The following NFIB variants were observed in gnomAD, a reference collection of about 807,000 sequenced individuals.
NFIB encodes the protein nuclear factor I B.
Under a neutral mutation model 61.5 loss-of-function variants are expected in NFIB, and 11 were observed. The observed-to-expected ratio is 0.18, with a 90% confidence interval of 0.11 to 0.30. The LOEUF is 0.30. NFIB is among the 10% of genes least tolerant of loss of function. The pLI, the probability that NFIB is intolerant of heterozygous loss-of-function variation, is 1.00. For missense variants in NFIB, 471 were observed against 608.9 expected (o/e 0.77, Z 2.38); for synonymous variants, 260 against 216.5 (o/e 1.20, Z -1.76).
intron 2 of NFIB, among the ~76,000 whole-genome samples, chr9:14,199,266 CAA>C (rs1270262836): frequency 6.6e-6 from 1 of 152,162 alleles, no homozygotes; most frequent in Non-Finnish European, 1.5e-5. Context: ...GGCCAGGACA[CAA>C]AGAGGAAGAC....
chr9:14,460,391 G>A, the NFIB span, among the ~76,000 whole-genome samples: 6,288 of 149,290 alleles, frequency 0.042, 149 homozygotes, highest in Non-Finnish European at 0.054. Flanking sequence ...GGGAGAAGGG[G>A]TAGCATCAGG....
chr9:14,479,808 T>C, the NFIB span, among the ~76,000 whole-genome samples: 1 of 152,186 alleles, frequency 6.6e-6, no homozygotes, highest in Non-Finnish European at 1.5e-5. Context: ...GAAGGTTCTC[T>C]TACAGCTCTT....
At chr9:14,132,102 G>A (rs1216310798) in intron 6 of NFIB, among the ~76,000 whole-genome samples, 1 of 151,996 alleles carries the variant, frequency 6.6e-6, no homozygotes, top group Non-Finnish European at 1.5e-5. Flanking sequence ...AATTATGTAA[G>A]AACACGCAAG....
intron 2 of NFIB, among the ~76,000 whole-genome samples, chr9:14,286,627 C>T (rs548938377): frequency 6.6e-6 from 1 of 152,182 alleles, no homozygotes; most frequent in African/African-American, 2.4e-5. Context: ...AATGGGAACA[C>T]TTAAGAAAAA....
At position 14,258,765 on chromosome 9, in the gene NFIB, G is replaced by C. The variant is rs73415784; in HGVS notation, c.562+48224C>G. On this transcript the variant is annotated intron_variant, in intron 2 of 10. Transcript: ENST00000380953. The stretch of plus-strand genomic sequence containing the variant: ...CTTCATAAATCAAGTTAGTAAGGAT[G>C]TCATTCCTTTTTAAAGCATGTTGCA... Among the ~76,000 whole-genome samples the C allele has an allele frequency of 3.0e-4, 46 of 152,264 alleles. 1 individual carries two copies. The highest frequency in any genetic ancestry group is 6.8e-3 in the Middle Eastern group (2 of 294).
chr9:14,143,073 A>G (rs978788839), intron 6 of NFIB, among the ~76,000 whole-genome samples: 8 of 152,074 alleles, frequency 5.3e-5, no homozygotes, highest in Non-Finnish European at 1.0e-4. Flanking sequence ...GCCCCCTACC[A>G]AATGCTTAAC....
chr9:14,314,504 C>T (rs1255007274), upstream of NFIB: 2 of 151,676 alleles, frequency 1.3e-5, no homozygotes, highest in Non-Finnish European at 1.5e-5. Flanking sequence ...CTTTTTTTTC[C>T]CTCCCTCTCT....
the NFIB span, among the ~76,000 whole-genome samples, chr9:14,415,167 C>T: frequency 6.6e-6 from 1 of 152,322 alleles, no homozygotes; most frequent in Admixed American, 6.5e-5. Context: ...AATTTACTTC[C>T]TTGCAGCTGA....
the NFIB span, among the ~76,000 whole-genome samples, chr9:14,446,728 T>TA: frequency 6.6e-6 from 1 of 152,176 alleles, no homozygotes; most frequent in African/African-American, 2.4e-5. Context: ...TTCTGTCTCT[T>TA]AAATAAATGA....
chr9:14,082,668 G>T lies in NFIB; in HGVS notation c.*5641C>A, dbSNP rs1227622219. 2.9e-5 allele frequency: 5 copies of T among 174,988 alleles called. No individual in the cohort carries two copies. Among genetic ancestry groups the T allele is most frequent in the African/African-American group, 5.2e-5 (2 of 38,708 alleles). 10.8% of individuals were successfully genotyped at this position (174,988 alleles called of 1,614,324 possible). A position where few individuals can be genotyped will look rare whatever the true frequency, so the allele number is the denominator to read the frequency against. On this transcript the variant is annotated 3_prime_UTR_variant, in exon 11 of 11. Coordinates refer to ENST00000380953, the MANE Select transcript of NFIB (RefSeq NM_001190737.2). ...GAGTTTTTTGGTAAACATTTTGCTGGTTTTTTTTTTTTGTTTGTTTCTTTC... is the reference window on the plus strand; with the variant it reads ...GAGTTTTTTGGTAAACATTTTGCTGTTTTTTTTTTTTTGTTTGTTTCTTTC...
intron 2 of NFIB, among the ~76,000 whole-genome samples, chr9:14,220,013 A>C (rs1468786136): frequency 6.6e-6 from 1 of 152,192 alleles, no homozygotes; most frequent in Non-Finnish European, 1.5e-5. Context: ...AGCGCATCAA[A>C]GCAACAGGCC....
chr9:14,434,350 C>A, the NFIB span, among the ~76,000 whole-genome samples: 1 of 152,176 alleles, frequency 6.6e-6, no homozygotes, highest in Non-Finnish European at 1.5e-5. Context: ...GGATTTCCCA[C>A]CCCAACCACC....
At chr9:14,526,034 A>G in the NFIB span, among the ~76,000 whole-genome samples, 12 of 152,278 alleles carry the variant, frequency 7.9e-5, no homozygotes, top group Admixed American at 2.0e-4. Context: ...TGTAATGAGT[A>G]TGATTATCTG....
At chr9:14,319,510 T>C (rs1364079334) in intron 1 of NFIB, among the ~76,000 whole-genome samples, 1 of 152,190 alleles carries the variant, frequency 6.6e-6, no homozygotes, top group African/African-American at 2.4e-5. Flanking sequence ...ACAGTGTCTC[T>C]TGTCTGCTGA....
rs566689851 is a variant in NFIB, at chr9:14,085,009, T to G, written c.*3300A>C. ...TGCCTTTAAAAAATACTGTGTGTCC[T>G]GTGAGGTTCATTTGTTCACCTAATA... On this transcript the variant is annotated 3_prime_UTR_variant, in exon 11 of 11. Coordinates refer to ENST00000380953, the MANE Select transcript of NFIB (RefSeq NM_001190737.2). The G allele has an allele frequency of 4.4e-6, 1 of 229,154 alleles. No individual in the cohort carries two copies. Among genetic ancestry groups the G allele is most frequent in the Non-Finnish European group, 8.7e-6 (1 of 115,262 alleles). 14.2% of individuals were successfully genotyped at this position (229,154 alleles called of 1,614,324 possible).
chr9:14,498,148 C>T, the NFIB span, among the ~76,000 whole-genome samples: 5 of 152,188 alleles, frequency 3.3e-5, no homozygotes, highest in Admixed American at 6.5e-5. Flanking sequence ...AAGAAATGAC[C>T]TTGCCCTGAA....
At chr9:14,365,764 T>G (rs2061292361) in intron 1 of NFIB, among the ~76,000 whole-genome samples, 1 of 152,288 alleles carries the variant, frequency 6.6e-6, no homozygotes, top group Non-Finnish European at 1.5e-5. Flanking sequence ...AGTTTTTAAG[T>G]TTTTCTAATG....
chr9:14,165,736 C>G (rs1481954584), intron 3 of NFIB, among the ~76,000 whole-genome samples: 1 of 152,134 alleles, frequency 6.6e-6, no homozygotes, highest in African/African-American at 2.4e-5. Context: ...AAAATGTAAT[C>G]TGGAAAAAAG....
At chr9:14,231,135 A>AATATATATATAT (rs1554681460) in intron 2 of NFIB, among the ~76,000 whole-genome samples, 45 of 35,334 alleles carry the variant, frequency 1.3e-3, no homozygotes, top group East Asian at 3.4e-3. Flanking sequence ...AAAAAAAAAA[A>AATATATATATAT]ATATATATAT....
Sources: gnomAD v4.1 joint callset for allele counts (sites outside exome capture counted in the v4.1 genomes callset) on GRCh38, gnomAD v4.1.1 for gene constraint, MANE v1.5 for transcripts, NCBI Gene and HGNC (gene_info 2026-07-23, HGNC 2026-07-21) for gene names.